The following HCN1 variants were observed in gnomAD, a reference collection of about 807,000 sequenced individuals.
HCN1 encodes hyperpolarization activated cyclic nucleotide gated potassium channel 1, also known as potassium/sodium hyperpolarization-activated cyclic nucleotide-gated channel 1.
HCN1 carries 13 observed loss-of-function variants against 78.9 expected under a neutral mutation model. That is an observed-to-expected ratio of 0.16 (90% CI 0.11 to 0.26). HCN1 has a LOEUF of 0.26. HCN1 is among the 10% of genes least tolerant of loss of function. The probability of loss-of-function intolerance (pLI) is 1.00; values close to 1 mark genes in which losing one functional copy is unlikely to be tolerated. For missense variants in HCN1, 810 were observed against 1,154.3 expected (o/e 0.70, Z 4.32); for synonymous variants, 552 against 455.5 (o/e 1.21, Z -2.70).
At chr5:45,478,257 T>C (rs929198411) in intron 2 of HCN1, among the ~76,000 whole-genome samples, 1 of 152,114 alleles carries the variant, frequency 6.6e-6, no homozygotes, top group African/African-American at 2.4e-5. Context: ...GTGCTCAGGG[T>C]AAATCAGTGA....
At chr5:45,592,751 A>G (rs1037319453) in intron 2 of HCN1, among the ~76,000 whole-genome samples, 1 of 152,182 alleles carries the variant, frequency 6.6e-6, no homozygotes, top group African/African-American at 2.4e-5. Flanking sequence ...AGGGATATGT[A>G]TTTACATAAA....
intron 2 of HCN1, chr5:45,560,076 A>G (rs1407740916): frequency 3.3e-5 from 5 of 152,178 alleles, no homozygotes; most frequent in African/African-American, 1.2e-4. Flanking sequence ...CAATATTAGC[A>G]CATAGTTTAT....
Position 45,262,449 on chromosome 5 carries a change from T to C in HCN1, c.2145A>G (p.Arg715=), listed in dbSNP as rs903099002. The change falls in exon 8 of 8, where the codon CGA becomes CGG. Residue 715 remains arginine, a synonymous_variant. Coordinates refer to ENST00000303230, the MANE Select transcript of HCN1 (RefSeq NM_021072.4). ...SPPVQSPLAA[R]TFHYASPTAS... is the part of the protein sequence containing the mutation. ...CGGTGGGGGAGGCATAGTGGAAAGT[T>C]CGAGCGGCCAGAGGGCTCTGTACAG... is the stretch of plus-strand genomic sequence containing the variant. The C allele has an allele frequency of 3.1e-6, 5 of 1,612,118 alleles. No individual in the cohort carries two copies. Among genetic ancestry groups the C allele is most frequent in the Non-Finnish European group, 4.2e-6 (5 of 1,179,736 alleles).
At chr5:45,614,114 T>G (rs1029134454) in intron 2 of HCN1, among the ~76,000 whole-genome samples, 3 of 152,168 alleles carry the variant, frequency 2.0e-5, no homozygotes, top group Non-Finnish European at 4.4e-5. Context: ...AATGGACATC[T>G]GTTGTTCATG....
chr5:45,288,929 A>G (rs1745319432), intron 6 of HCN1, among the ~76,000 whole-genome samples: 1 of 152,024 alleles, frequency 6.6e-6, no homozygotes, highest in Non-Finnish European at 1.5e-5. Flanking sequence ...AAATGAGAAC[A>G]CAGTGAGAAA....
At chr5:45,673,782 C>T (rs1405916) in intron 1 of HCN1, among the ~76,000 whole-genome samples, 2 of 151,338 alleles carry the variant, frequency 1.3e-5, no homozygotes, top group African/African-American at 4.8e-5. Flanking sequence ...TCAAAGGTCA[C>T]AAAATTGACC....
chr5:45,628,536 A>C (rs1297202303), intron 2 of HCN1, among the ~76,000 whole-genome samples: 1 of 152,218 alleles, frequency 6.6e-6, no homozygotes, highest in Non-Finnish European at 1.5e-5. Flanking sequence ...ATTCAGGATA[A>C]AATGCTTATT....
At chr5:45,314,124 T>C (rs1745921694) in intron 5 of HCN1, among the ~76,000 whole-genome samples, 1 of 151,844 alleles carries the variant, frequency 6.6e-6, no homozygotes, top group African/African-American at 2.4e-5. Context: ...AAAGGTCGGG[T>C]TACCCACAAA....
At chr5:45,608,778 A>G (rs2111975242) in intron 2 of HCN1, among the ~76,000 whole-genome samples, 1 of 152,146 alleles carries the variant, frequency 6.6e-6, no homozygotes, top group Middle Eastern at 3.4e-3. Flanking sequence ...TAAACTGACT[A>G]CTATCAAATT....
intron 4 of HCN1, among the ~76,000 whole-genome samples, chr5:45,378,217 C>G (rs1053444025): frequency 6.6e-6 from 1 of 151,990 alleles, no homozygotes; most frequent in Non-Finnish European, 1.5e-5. Flanking sequence ...GTTCCAATTT[C>G]CTAATGCGTA....
At chr5:45,337,095 C>T (rs1746472425) in intron 5 of HCN1, among the ~76,000 whole-genome samples, 1 of 152,016 alleles carries the variant, frequency 6.6e-6, no homozygotes, top group Non-Finnish European at 1.5e-5. Context: ...TTAGACAGAA[C>T]ATTTGTATAC....
At chr5:45,619,692 G>C (rs1368261732) in intron 2 of HCN1, among the ~76,000 whole-genome samples, 1 of 152,056 alleles carries the variant, frequency 6.6e-6, no homozygotes, top group Non-Finnish European at 1.5e-5. Flanking sequence ...CTACAGCCAA[G>C]CTCCATTGAA....
intron 2 of HCN1, among the ~76,000 whole-genome samples, chr5:45,609,030 T>A (rs1744780969): frequency 1.3e-5 from 2 of 152,086 alleles, no homozygotes. Flanking sequence ...CAAAACCTGA[T>A]ACTATTTCAA....
chr5:45,604,459 C>G (rs1744686989), intron 2 of HCN1, among the ~76,000 whole-genome samples: 1 of 151,784 alleles, frequency 6.6e-6, no homozygotes, highest in Non-Finnish European at 1.5e-5. Flanking sequence ...AAAGGTCTTA[C>G]TAATAAATAA....
intron 1 of HCN1, among the ~76,000 whole-genome samples, chr5:45,678,088 C>A (rs1201630720): frequency 4.0e-5 from 6 of 150,732 alleles, no homozygotes; most frequent in African/African-American, 1.5e-4. Flanking sequence ...ACATCTGTTT[C>A]TTTCTAATTC....
At chr5:45,629,187 A>G (rs1745226545) in intron 2 of HCN1, among the ~76,000 whole-genome samples, 1 of 152,028 alleles carries the variant, frequency 6.6e-6, no homozygotes, top group South Asian at 2.1e-4. Context: ...CAAAGTATCT[A>G]CAATAAAAAC....
intron 4 of HCN1, among the ~76,000 whole-genome samples, chr5:45,375,336 A>G (rs1202070306): frequency 8.1e-6 from 1 of 124,080 alleles, no homozygotes; most frequent in Non-Finnish European, 1.6e-5. Flanking sequence ...TTTATGATAT[A>G]CAATATATAT....
intron 3 of HCN1, among the ~76,000 whole-genome samples, chr5:45,428,143 AT>A (rs1253522140): frequency 6.6e-6 from 1 of 152,064 alleles, no homozygotes; most frequent in Non-Finnish European, 1.5e-5. Context: ...AAAGAATTAA[AT>A]AAGATAATGA....
chr5:45,404,952 G>A (rs1036897690), intron 3 of HCN1, among the ~76,000 whole-genome samples: 16 of 151,860 alleles, frequency 1.1e-4, no homozygotes, highest in Non-Finnish European at 8.8e-5. Flanking sequence ...AAGTATAAAC[G>A]TGTTGAAGTA....
Sources: allele counts gnomAD v4.1 joint callset (sites outside exome capture counted in the v4.1 genomes callset), GRCh38; gene constraint gnomAD v4.1.1; transcripts MANE v1.5; gene names NCBI Gene and HGNC (gene_info 2026-07-23, HGNC 2026-07-21).